CAPZA2: variants seen among roughly 807,000 people sequenced by gnomAD.
The protein encoded by CAPZA2 is F-actin-capping protein subunit alpha-2.
Under a neutral mutation model 44.0 loss-of-function variants are expected in CAPZA2, and 13 were observed. The observed-to-expected ratio is 0.30, with a 90% CI of 0.19 to 0.47. The LOEUF (loss-of-function observed/expected upper bound fraction) is 0.47. Among genes scored for constraint, CAPZA2 ranks in the 20% least tolerant of loss-of-function variants. CAPZA2 has a pLI of 1.00. For synonymous variants in CAPZA2, 94 were observed against 108.2 expected, an observed-to-expected ratio of 0.87 and a Z score of 0.81; for missense variants, 244 against 338.6, an observed-to-expected ratio of 0.72 and a Z score of 2.19.
rs1585006848 is a variant in CAPZA2 at position 116,888,384 on chromosome 7, G to A, written c.103+194G>A. ...TTATTTATATATGATGATTCTGTTA[G>A]CAAATTAACCCTTTTAAAGCCTGAA... On this transcript the variant is annotated intron_variant, in intron 2 of 9. Transcript: ENST00000361183. 5 of 431,650 alleles carry A rather than the reference G, an allele frequency of 1.2e-5. No individual in the cohort carries two copies. The East Asian group carries it at 1.8e-4, about 15-fold the overall frequency. 26.7% of individuals were successfully genotyped at this position (431,650 alleles called of 1,614,324 possible).
intron 6 of CAPZA2, chr7:116,909,997 C>A: frequency 2.1e-6 from 1 of 487,460 alleles, no homozygotes. Context: ...CTTTAGAATT[C>A]TGGCATTAAA....
chr7:116,912,823 G>A (rs1269382793), intron 8 of CAPZA2, among the ~76,000 whole-genome samples: 2 of 152,134 alleles, frequency 1.3e-5, no homozygotes, highest in Non-Finnish European at 2.9e-5. Flanking sequence ...TATATACATA[G>A]GAGTGGAATT....
chr7:116,898,114 C>G (rs1585010431), intron 3 of CAPZA2, among the ~76,000 whole-genome samples: 1 of 152,086 alleles, frequency 6.6e-6, no homozygotes, highest in Non-Finnish European at 1.5e-5. Context: ...GCATTTTGCT[C>G]ATACGGTCAC....
Position 116,921,724 on chromosome 7 carries a change from G to A in CAPZA2, c.*3857G>A, listed in dbSNP as rs893511372. On this transcript the variant is annotated 3_prime_UTR_variant, in exon 10 of 10. Transcript: ENST00000361183. ...ATGTAAGAAGTGGTGATTGGAGAAT[G>A]GTGTGCTTAATTAAAATTGAGGTTT... 1 of 152,100 alleles carries A rather than the reference G, an allele frequency of 6.6e-6. No individual in the cohort carries two copies. The highest frequency in any genetic ancestry group is 6.6e-5 in the Admixed American group (1 of 15,258). The allele number at this position is 152,100 out of a possible 1,614,324, so 9.4% of individuals were successfully genotyped here.
chr7:116,864,860 G>A (rs1188688420), intron 1 of CAPZA2, among the ~76,000 whole-genome samples: 2 of 151,984 alleles, frequency 1.3e-5, no homozygotes, highest in African/African-American at 2.4e-5. Flanking sequence ...GTAACATAGC[G>A]AGACCTCATC....
intron 4 of CAPZA2, 55 bp downstream of exon 4, chr7:116,898,890 T>TG (rs950299820): frequency 2.8e-6 from 3 of 1,060,478 alleles, no homozygotes; most frequent in Admixed American, 2.1e-5. Context: ...TAAGGTATCC[T>TG]GCAAGAGCTG....
chr7:116,876,504 C>G (rs1187755150), intron 1 of CAPZA2: 1 of 152,152 alleles, frequency 6.6e-6, no homozygotes, highest in Non-Finnish European at 1.5e-5. Flanking sequence ...ATAATATGAT[C>G]TGTGGAGAAT....
At chr7:116,900,251 G>T (rs1415144467) in intron 4 of CAPZA2, among the ~76,000 whole-genome samples, 1 of 151,876 alleles carries the variant, frequency 6.6e-6, no homozygotes, top group Non-Finnish European at 1.5e-5. Flanking sequence ...AGCTAGGTAT[G>T]CCTGCTTATC....
chr7:116,869,724 T>C (rs561488501), intron 1 of CAPZA2, among the ~76,000 whole-genome samples: 3 of 152,364 alleles, frequency 2.0e-5, no homozygotes, highest in South Asian at 2.1e-4. Flanking sequence ...ATTCATTCCA[T>C]GTATGTCTAG....
At position 116,889,660 on chromosome 7, in the gene CAPZA2, T is replaced by TA. The variant is rs1796805878; in HGVS notation, c.103+1471dup. Reference sequence around the variant, plus strand: ...GGCAAAAGTTGTATAAAGTTAAAATTACCCTAGAAATCCCTGAGGTCATCC... The same window carrying TA: ...GGCAAAAGTTGTATAAAGTTAAAATTAACCCTAGAAATCCCTGAGGTCATCC... On this transcript the variant is annotated intron_variant, in intron 2 of 9. Transcript: ENST00000361183. Among the ~76,000 whole-genome samples, 3 of 152,136 alleles carry TA rather than the reference T, an allele frequency of 2.0e-5. No homozygotes were observed. In the South Asian group the frequency reaches 6.2e-4, roughly 31 times the overall value.
rs571606871 is a variant in CAPZA2 at position 116,898,523 on chromosome 7, G to T, written c.156-249G>T. Among the ~76,000 whole-genome samples, 12 of 152,068 alleles carry T rather than the reference G, an allele frequency of 7.9e-5. No homozygotes were observed. The South Asian group carries it at 1.5e-3, about 18-fold the overall frequency. ...TATTTTCAGGTTCTTGAATGAAAAG[G>T]CCAGTTATATTTACTGATTTAATTT... is the stretch of plus-strand genomic sequence containing the variant. On this transcript the variant is annotated intron_variant, in intron 3 of 9. Transcript: ENST00000361183.
chr7:116,910,334 T>C, intron 7 of CAPZA2, 23 bp downstream of exon 7: 1 of 1,147,200 alleles, frequency 8.7e-7, no homozygotes, highest in Non-Finnish European at 1.3e-6. Flanking sequence ...ATTTGTTTAC[T>C]GATCTTTAGA....
intron 1 of CAPZA2, among the ~76,000 whole-genome samples, chr7:116,867,175 AAAT>A (rs1796493333): frequency 6.6e-6 from 1 of 152,252 alleles, no homozygotes; most frequent in African/African-American, 2.4e-5. Context: ...CCTGATTGTT[AAAT>A]AATGTTTGGT....
rs776530729 is a variant in CAPZA2 at position 116,912,157 on chromosome 7, A to G, written c.657+17A>G. On this transcript the variant is annotated intron_variant, in intron 8 of 9. Transcript: ENST00000361183. ...ACAGTGTCTGTAAGTAATTAATTCC[A>G]CAATAAAATTTAACCTAATACTTCT... 6.2e-7 allele frequency: 1 copy of G among 1,610,560 alleles called. No homozygotes were observed. The highest frequency in any genetic ancestry group is 1.1e-5 in the South Asian group (1 of 90,694).
intron 1 of CAPZA2, among the ~76,000 whole-genome samples, chr7:116,864,383 T>G (rs1278514271): frequency 6.6e-6 from 1 of 152,178 alleles, no homozygotes; most frequent in Non-Finnish European, 1.5e-5. Context: ...GCACTAAGCT[T>G]CATAAAGAGG....
At chr7:116,917,471 A>G (rs1791695886) in intron 9 of CAPZA2, among the ~76,000 whole-genome samples, 1 of 151,892 alleles carries the variant, frequency 6.6e-6, no homozygotes, top group South Asian at 2.1e-4. Context: ...GTTAGCCAGG[A>G]TGGTCTCGAT....
Position 116,871,453 on chromosome 7 carries a change from TATC to T in CAPZA2, c.39+8804_39+8806del, listed in dbSNP as rs1405030238. Among the ~76,000 whole-genome samples, 9 of 152,318 alleles carry T rather than the reference TATC, an allele frequency of 5.9e-5. No individual in the cohort carries two copies. In the South Asian group the frequency reaches 1.7e-3, roughly 28 times the overall value. On this transcript the variant is annotated intron_variant, in intron 1 of 9. Coordinates refer to ENST00000361183, the MANE Select transcript of CAPZA2 (RefSeq NM_006136.3). Reference sequence around the variant, plus strand: ...TTAATTGTCAGAATAACCTTGTTATTATCTTCATTGTACAGACAGGAAACTGGT... The same window carrying T: ...TTAATTGTCAGAATAACCTTGTTATTTTCATTGTACAGACAGGAAACTGGT...
intron 9 of CAPZA2, among the ~76,000 whole-genome samples, chr7:116,916,948 G>C (rs1791688007): frequency 6.6e-6 from 1 of 151,978 alleles, no homozygotes; most frequent in Admixed American, 6.6e-5. Context: ...TTTTCTGGTT[G>C]GAAATTTTAA....
intron 1 of CAPZA2, among the ~76,000 whole-genome samples, chr7:116,877,814 A>G (rs1796641377): frequency 6.6e-6 from 1 of 152,220 alleles, no homozygotes; most frequent in African/African-American, 2.4e-5. Flanking sequence ...TGATCTTGAC[A>G]GGGAAGAAAA....
Sources: allele counts gnomAD v4.1 joint callset (sites outside exome capture counted in the v4.1 genomes callset), GRCh38; gene constraint gnomAD v4.1.1; transcripts MANE v1.5; gene names NCBI Gene and HGNC (gene_info 2026-07-23, HGNC 2026-07-21).